Variants in GPHN observed in about 807,000 individuals in gnomAD.
The protein encoded by GPHN is gephyrin.
In GPHN, 17 loss-of-function variants were observed where a neutral mutation model predicts 95.5. That is an observed-to-expected ratio of 0.18 (90% CI 0.12 to 0.27). GPHN has a LOEUF of 0.27. Ranked by LOEUF, GPHN falls within the 10% of genes least tolerant of loss-of-function variation. The pLI is 1.00. For synonymous variants in GPHN, 320 were observed against 322.5 expected, an observed-to-expected ratio of 0.99 and a Z score of 0.08; for missense variants, 660 against 978.1, an observed-to-expected ratio of 0.67 and a Z score of 4.34.
chr14:67,294,191 A>C, the GPHN span, among the ~76,000 whole-genome samples: 1 of 152,156 alleles, frequency 6.6e-6, no homozygotes, highest in Non-Finnish European at 1.5e-5. Flanking sequence ...ATTTTCTGAA[A>C]GTTTGCTTTC....
chr14:67,316,774 A>G, the GPHN span: 14 of 1,442,616 alleles, frequency 9.7e-6, no homozygotes, highest in Non-Finnish European at 1.2e-5. Context: ...GATTAAAAAA[A>G]AAATTCTTAT....
chr14:66,527,182 T>C lies in GPHN; in HGVS notation c.64+18591T>C, dbSNP rs112761057. ...CTGGTCTATTCAGGAATTCCACTTC[T>C]TTCTGGTTTAGACTTGGGAAAGTGT... On this transcript the variant is annotated intron_variant, in intron 1 of 22. Coordinates refer to ENST00000478722, the MANE Select transcript of GPHN (RefSeq NM_020806.5). 3.6e-3 allele frequency among the ~76,000 whole-genome samples: 552 copies of C among 152,312 alleles called. 12 individuals are homozygous for C. The highest frequency in any genetic ancestry group is 0.013 in the African/African-American group (528 of 41,564).
chr14:67,667,771 T>C, the GPHN span, among the ~76,000 whole-genome samples: 4 of 152,014 alleles, frequency 2.6e-5, no homozygotes, highest in South Asian at 6.2e-4. Flanking sequence ...AGTGAAACCC[T>C]GTCTCTACTA....
At chr14:67,217,187 G>GAA in the GPHN span, among the ~76,000 whole-genome samples, 3 of 151,314 alleles carry the variant, frequency 2.0e-5, no homozygotes, top group African/African-American at 7.3e-5. Context: ...TACAGTTTCT[G>GAA]ACATAAATTC....
At chr14:67,410,077 C>T in the GPHN span, among the ~76,000 whole-genome samples, 4 of 152,046 alleles carry the variant, frequency 2.6e-5, no homozygotes, top group Admixed American at 1.3e-4. Context: ...CTTACGGGGA[C>T]CAGATCTGTT....
chr14:67,313,247 G>C, the GPHN span, among the ~76,000 whole-genome samples: 1 of 152,152 alleles, frequency 6.6e-6, no homozygotes, highest in Non-Finnish European at 1.5e-5. Context: ...ATGTTTCTGA[G>C]AGTTAAGATG....
chr14:66,674,179 A>G (rs1335062438), intron 1 of GPHN, among the ~76,000 whole-genome samples: 1 of 151,360 alleles, frequency 6.6e-6, no homozygotes, highest in Non-Finnish European at 1.5e-5. Context: ...GCTCACTGCA[A>G]CCTCTGCCTC....
At chr14:66,920,644 ATGAG>A (rs1377819947) in intron 6 of GPHN, among the ~76,000 whole-genome samples, 2 of 148,788 alleles carry the variant, frequency 1.3e-5, no homozygotes, top group African/African-American at 5.0e-5. Flanking sequence ...ATTTGCTTAC[ATGAG>A]TAAGTTCTTT....
the GPHN span, among the ~76,000 whole-genome samples, chr14:67,419,730 T>C: frequency 6.6e-6 from 1 of 151,864 alleles, no homozygotes; most frequent in Non-Finnish European, 1.5e-5. Context: ...GCTCCTGTAG[T>C]CCCAGCTACT....
At chr14:66,852,672 A>G (rs141485708) in intron 4 of GPHN, among the ~76,000 whole-genome samples, 6 of 152,328 alleles carry the variant, frequency 3.9e-5, no homozygotes, top group East Asian at 1.9e-4. Flanking sequence ...ATCGTTTTCT[A>G]TCTGAGACAG....
the GPHN span, among the ~76,000 whole-genome samples, chr14:67,254,030 C>A: frequency 7.2e-6 from 1 of 139,778 alleles, no homozygotes; most frequent in Non-Finnish European, 1.5e-5. Flanking sequence ...ATTCATCCCC[C>A]CCCCCTTACA....
intron 2 of GPHN, among the ~76,000 whole-genome samples, chr14:66,717,481 A>G (rs192289083): frequency 3.3e-5 from 5 of 152,198 alleles, no homozygotes; most frequent in South Asian, 4.1e-4. Context: ...TAACTAATCA[A>G]TAATCTTCAG....
chr14:67,712,493 CAAAAAAA>C, the GPHN span, among the ~76,000 whole-genome samples: 619 of 38,930 alleles, frequency 0.016, 6 homozygotes, highest in African/African-American at 0.027. Flanking sequence ...AAAAAACTTG[CAAAAAAA>C]AAAAAAAAAA....
chr14:66,941,440 A>G (rs763276938), intron 8 of GPHN, among the ~76,000 whole-genome samples: 3 of 152,134 alleles, frequency 2.0e-5, no homozygotes, highest in Admixed American at 1.3e-4. Flanking sequence ...AAGCCCAGCC[A>G]TGGGTTTGTA....
the GPHN span, among the ~76,000 whole-genome samples, chr14:67,528,104 T>C: frequency 1.3e-5 from 2 of 152,112 alleles, no homozygotes; most frequent in African/African-American, 4.8e-5. Flanking sequence ...CTCAGATAGA[T>C]TGGAGTGTGA....
the GPHN span, among the ~76,000 whole-genome samples, chr14:67,330,466 T>TC: frequency 6.6e-6 from 1 of 150,418 alleles, no homozygotes; most frequent in South Asian, 2.1e-4. Context: ...TTTTTTTTTT[T>TC]TTTTTTTTTG....
chr14:67,136,684 A>C (rs2080098253), intron 17 of GPHN, among the ~76,000 whole-genome samples: 1 of 152,188 alleles, frequency 6.6e-6, no homozygotes, highest in South Asian at 2.1e-4. Flanking sequence ...GTAGAGATAA[A>C]ACAGGATTCT....
intron 4 of GPHN, among the ~76,000 whole-genome samples, chr14:66,868,496 C>T (rs1034834420): frequency 2.0e-5 from 3 of 152,006 alleles, no homozygotes; most frequent in East Asian, 1.9e-4. Flanking sequence ...CGGGTTCAAG[C>T]GATTCTCCTA....
Position 67,011,286 on chromosome 14 carries a change from T to C in GPHN, c.964-12347T>C, listed in dbSNP as rs147221102. ...TCTCATATAAGAACAAAACAGAATA[T>C]TAAAGGCCTGGCACAGTGGCTTATG... On this transcript the variant is annotated intron_variant, in intron 9 of 22. Transcript: ENST00000478722. 1.2e-4 allele frequency among the ~76,000 whole-genome samples: 19 copies of C among 152,096 alleles called. No homozygotes were observed. In the East Asian group the frequency reaches 1.5e-3, roughly 12 times the overall value.
Sources: gnomAD v4.1 joint callset for allele counts (sites outside exome capture counted in the v4.1 genomes callset) on GRCh38, gnomAD v4.1.1 for gene constraint, MANE v1.5 for transcripts, NCBI Gene and HGNC (gene_info 2026-07-23, HGNC 2026-07-21) for gene names.